Variants in PDIK1L observed in about 807,000 individuals in gnomAD.
The protein encoded by PDIK1L is serine/threonine-protein kinase PDIK1L.
Under a neutral mutation model 27.1 loss-of-function variants are expected in PDIK1L, and 9 were observed. The ratio of observed to expected loss-of-function variants is 0.33; its 90% confidence interval spans 0.20 to 0.58. The LOEUF (loss-of-function observed/expected upper bound fraction) is 0.58, where lower values mean the gene tolerates loss of function less well. PDIK1L is among the 20% of genes least tolerant of loss of function. PDIK1L has a pLI of 0.86. For missense variants in PDIK1L, 216 were observed against 413.2 expected (o/e 0.52, Z 4.14); for synonymous variants, 130 against 141.7 (o/e 0.92, Z 0.59).
chr1:26,114,366 G>A lies in PDIK1L; in HGVS notation c.58G>A (p.Gly20Ser), dbSNP rs2087846499. 1.9e-6 allele frequency: 3 copies of A among 1,614,042 alleles called. No individual in the cohort carries two copies. The highest frequency in any genetic ancestry group is 2.5e-6 in the Non-Finnish European group (3 of 1,179,980). ...LIREVGRGSY[G>S]VVYEAVIRKT... Reference sequence around the variant, plus strand: ...ACGGGAGGTAGGCCGAGGTAGTTACGGTGTTGTGTATGAAGCAGTCATCAG... The same window carrying A: ...ACGGGAGGTAGGCCGAGGTAGTTACAGTGTTGTGTATGAAGCAGTCATCAG... The change falls in exon 2 of 3, where the codon GGT (glycine) becomes AGT (serine). Residue 20 changes from glycine to serine, a missense_variant. Around this residue, in one of 2 missense-constraint regions of PDIK1L, gnomAD observed 47 missense variants for 47.2 expected, o/e 1.00. Coordinates refer to ENST00000374269, the MANE Select transcript of PDIK1L (RefSeq NM_152835.5). This position sits in a 1 kb window ranked among gnomAD's most constrained non-coding sequence, Gnocchi z 4.8.
intron 2 of PDIK1L, among the ~76,000 whole-genome samples, chr1:26,120,950 CAAAA>C (rs11316360): frequency 2.1e-5 from 2 of 96,298 alleles, no homozygotes; most frequent in Admixed American, 2.2e-4. Context: ...GACTCCGTCT[CAAAA>C]AAAAAAAAAA....
chr1:26,121,786 AATTGTATAACCTATGCAAATG>A, intron 2 of PDIK1L, 30 bp from the exon 3 acceptor site: 1 of 1,506,148 alleles, frequency 6.6e-7, no homozygotes, highest in Non-Finnish European at 8.9e-7. Context: ...CCTATAACTG[AATTGTATAACCTATGCAAATG>A]ATTGTAATCT....
intron 2 of PDIK1L, among the ~76,000 whole-genome samples, chr1:26,120,575 T>G (rs1331694096): frequency 2.0e-5 from 3 of 152,218 alleles, no homozygotes; most frequent in African/African-American, 4.8e-5. Flanking sequence ...AAATTAGCAA[T>G]TCATTCACTC....
intron 2 of PDIK1L, among the ~76,000 whole-genome samples, chr1:26,115,694 G>A (rs928153786): frequency 6.6e-6 from 1 of 152,052 alleles, no homozygotes; most frequent in Non-Finnish European, 1.5e-5. Flanking sequence ...CCCAGCTACT[G>A]GGGAGGCTGA....
intron 2 of PDIK1L, among the ~76,000 whole-genome samples, chr1:26,117,750 AAAAC>A (rs1339158512): frequency 9.9e-5 from 15 of 150,778 alleles, no homozygotes; most frequent in African/African-American, 3.5e-4. Flanking sequence ...CTCCAAAACA[AAAAC>A]AAAAACAAAA....
rs188231798 is a variant in PDIK1L at position 26,113,483 on chromosome 1, G to C, written c.-17-809G>C. Among the ~76,000 whole-genome samples the C allele has an allele frequency of 2.9e-4, 39 of 136,004 alleles. No individual in the cohort carries two copies. The East Asian group carries it at 9.2e-3, about 32-fold the overall frequency. The allele number at this position is 136,004 out of a possible 152,430, so 89.2% of individuals were successfully genotyped here. On this transcript the variant is annotated intron_variant, in intron 1 of 2. Coordinates refer to ENST00000374269, the MANE Select transcript of PDIK1L (RefSeq NM_152835.5). ...CTCCAGCCTGGGAGACAGAGCGAGA[G>C]AGCGAGACTCCGTCTAAAAAAAAAA...
intron 2 of PDIK1L, among the ~76,000 whole-genome samples, chr1:26,117,698 A>G (rs184966858): frequency 2.6e-5 from 4 of 152,094 alleles, no homozygotes; most frequent in African/African-American, 9.7e-5. Flanking sequence ...AGCCAAGATC[A>G]TGTCACTGCA....
chr1:26,117,113 C>T (rs928517631), intron 2 of PDIK1L, among the ~76,000 whole-genome samples: 1 of 147,516 alleles, frequency 6.8e-6, no homozygotes, highest in Non-Finnish European at 1.5e-5. Context: ...CTCACTGCAA[C>T]CTCCGCCTCC....
intron 2 of PDIK1L, among the ~76,000 whole-genome samples, chr1:26,116,213 A>AC (rs200282653): frequency 0.012 from 1,862 of 151,728 alleles, 40 homozygotes; most frequent in African/African-American, 0.042. Flanking sequence ...AAAAAAAAAA[A>AC]AAAACTCTGC....
chr1:26,114,200 G>A lies in PDIK1L; in HGVS notation c.-17-92G>A. Reference sequence around the variant, plus strand: ...AAATATCCTTCAAGCACTGCAGACAGTCAGACAGATGACAAGTAAATCATA... The same window carrying A: ...AAATATCCTTCAAGCACTGCAGACAATCAGACAGATGACAAGTAAATCATA... On this transcript the variant is annotated intron_variant, in intron 1 of 2. Transcript: ENST00000374269. The surrounding 1 kb of genome is among the most constrained non-coding windows in gnomAD (Gnocchi z 4.8). 1 of 1,287,512 alleles carries A rather than the reference G, an allele frequency of 7.8e-7. No individual in the cohort carries two copies. The highest frequency in any genetic ancestry group is 1.5e-5 in the South Asian group (1 of 65,336). 79.8% of individuals were successfully genotyped at this position (1,287,512 alleles called of 1,614,324 possible).
chr1:26,114,185 C>A lies in PDIK1L; in HGVS notation c.-17-107C>A, dbSNP rs983412202. The A allele has an allele frequency of 8.9e-7, 1 of 1,127,116 alleles. No homozygotes were observed. The highest frequency in any genetic ancestry group is 1.2e-6 in the Non-Finnish European group (1 of 805,912). The allele number at this position is 1,127,116 out of a possible 1,614,324, so 69.8% of individuals were successfully genotyped here. A position where few individuals can be genotyped will look rare whatever the true frequency, so the allele number is the denominator to read the frequency against. On this transcript the variant is annotated intron_variant, in intron 1 of 2. Transcript: ENST00000374269. The surrounding 1 kb of genome is among the most constrained non-coding windows in gnomAD (Gnocchi z 4.8). Reference sequence around the variant, plus strand: ...TCCCCTAGGTATAGCAAATATCCTTCAAGCACTGCAGACAGTCAGACAGAT... The same window carrying A: ...TCCCCTAGGTATAGCAAATATCCTTAAAGCACTGCAGACAGTCAGACAGAT...
At position 26,122,161 on chromosome 1, in the gene PDIK1L, C is replaced by CCACTGA; in HGVS notation, c.612_613insCTGACA (p.Pro204_Glu205insLeuThr). ...AGTTTGTTCAGCCTCTGGGCAGAAC[C>CCACTGA]CAGAAGAACCTGTCAGTGTAAACAA... is the stretch of plus-strand genomic sequence containing the variant. On this transcript the variant is annotated inframe_insertion, in exon 3 of 3. Transcript: ENST00000374269. The surrounding 1 kb of genome is among the most constrained non-coding windows in gnomAD (Gnocchi z 5.4). 1 of 1,614,072 alleles carries CCACTGA rather than the reference C, an allele frequency of 6.2e-7. No individual in the cohort carries two copies. The highest frequency in any genetic ancestry group is 1.6e-4 in the Middle Eastern group (1 of 6,062).
Position 26,114,600 on chromosome 1 carries a change from G to A in PDIK1L, c.285+7G>A, listed in dbSNP as rs374173558. ...TTCTTCCCTTTATTTACAGGTATGTGTTGTTGATTGGGAAATAGAAATGAT... is the reference window on the plus strand; with the variant it reads ...TTCTTCCCTTTATTTACAGGTATGTATTGTTGATTGGGAAATAGAAATGAT... On this transcript the variant is annotated splice_region_variant and intron_variant, in intron 2 of 2. Coordinates refer to ENST00000374269, the MANE Select transcript of PDIK1L (RefSeq NM_152835.5). This position sits in a 1 kb window ranked among gnomAD's most constrained non-coding sequence, Gnocchi z 4.8. The A allele has an allele frequency of 2.5e-5, 40 of 1,606,824 alleles. No homozygotes were observed. Among genetic ancestry groups the A allele is most frequent in the Non-Finnish European group, 3.2e-5 (38 of 1,174,078 alleles).
Position 26,114,180 on chromosome 1 carries a change from T to G in PDIK1L, c.-17-112T>G. 4 of 1,060,800 alleles carry G rather than the reference T, an allele frequency of 3.8e-6. No homozygotes were observed. In the East Asian group the frequency reaches 1.0e-4, roughly 28 times the overall value. The allele number at this position is 1,060,800 out of a possible 1,614,324, so 65.7% of individuals were successfully genotyped here. A position where few individuals can be genotyped will look rare whatever the true frequency, so the allele number is the denominator to read the frequency against. On this transcript the variant is annotated intron_variant, in intron 1 of 2. Coordinates refer to ENST00000374269, the MANE Select transcript of PDIK1L (RefSeq NM_152835.5). The surrounding 1 kb of genome is among the most constrained non-coding windows in gnomAD (Gnocchi z 4.8). ...AGATTTCCCCTAGGTATAGCAAATA[T>G]CCTTCAAGCACTGCAGACAGTCAGA... is the stretch of plus-strand genomic sequence containing the variant.
intron 2 of PDIK1L, among the ~76,000 whole-genome samples, chr1:26,120,996 A>G (rs2087975826): frequency 6.6e-6 from 1 of 151,690 alleles, no homozygotes; most frequent in African/African-American, 2.4e-5. Context: ...TTAGAGTGAT[A>G]GTTCATGTCC....
At position 26,124,734 on chromosome 1, in the gene PDIK1L, T is replaced by G. The variant is rs770020947; in HGVS notation, c.*2157T>G. ...TCTGGAATTTTATCAAGTCCTTGTA[T>G]TCTAAAATAGCCAAGCAAAATGATA... On this transcript the variant is annotated 3_prime_UTR_variant, in exon 3 of 3. Coordinates refer to ENST00000374269, the MANE Select transcript of PDIK1L (RefSeq NM_152835.5). 3 of 152,222 alleles carry G rather than the reference T, an allele frequency of 2.0e-5. No homozygotes were observed. The highest frequency in any genetic ancestry group is 4.4e-5 in the Non-Finnish European group (3 of 68,020). 9.4% of individuals were successfully genotyped at this position (152,222 alleles called of 1,614,324 possible).
At chr1:26,120,182 A>G (rs1222083315) in intron 2 of PDIK1L, among the ~76,000 whole-genome samples, 1 of 152,218 alleles carries the variant, frequency 6.6e-6, no homozygotes, top group East Asian at 1.9e-4. Context: ...TAAAAAAGAA[A>G]GGAAGAAGTA....
In PDIK1L at chr1:26,122,501, A is replaced by G; in HGVS notation, c.950A>G (p.Gln317Arg). ...AAGGAAATGCTGGCTGCAAACCCTC[A>G]GGATCGTCCAGATGCTTTTGAACTA... ...LIKEMLAANPQDRPDAFELEL... is the reference protein window; with the variant it reads ...LIKEMLAANPRDRPDAFELEL... Residue 317 changes from glutamine (Q) to arginine (R), a missense_variant, in exon 3 of 3, where the codon CAG becomes CGG. Physicochemically the swap from Gln to Arg is conservative, Grantham distance 43. This residue lies in a region of PDIK1L where 169 missense variants were observed against 366.0 expected (regional missense o/e 0.46). Transcript: ENST00000374269. This position sits in a 1 kb window ranked among gnomAD's most constrained non-coding sequence, Gnocchi z 5.4. 4 of 1,614,128 alleles carry G rather than the reference A, an allele frequency of 2.5e-6. No homozygotes were observed. Among genetic ancestry groups the G allele is most frequent in the Non-Finnish European group, 2.5e-6 (3 of 1,180,004 alleles).
At chr1:26,115,473 A>G (rs148799120) in intron 2 of PDIK1L, among the ~76,000 whole-genome samples, 1 of 152,354 alleles carries the variant, frequency 6.6e-6, no homozygotes, top group Non-Finnish European at 1.5e-5. Flanking sequence ...ATTAAGACAT[A>G]GCTTGTTAAA....
Sources: gnomAD v4.1 joint callset for allele counts (sites outside exome capture counted in the v4.1 genomes callset) on GRCh38, gnomAD v4.1.1 for gene constraint, gnomAD v4.1.1 regional missense constraint, Gnocchi (gnomAD v3.1) non-coding constraint, MANE v1.5 for transcripts, NCBI Gene and HGNC (gene_info 2026-07-23, HGNC 2026-07-21) for gene names.